NT5M: variants seen among roughly 807,000 people sequenced by gnomAD.
NT5M encodes 5',3'-nucleotidase, mitochondrial.
A neutral mutation model predicts 22.2 loss-of-function variants in NT5M; 22 were observed. The observed-to-expected ratio is 0.99, with a 90% CI of 0.71 to 1.41. The LOEUF (loss-of-function observed/expected upper bound fraction) is 1.41. Among genes scored for constraint, NT5M ranks in the 40% most tolerant of loss-of-function variants. The pLI, the probability that NT5M is intolerant of heterozygous loss-of-function variation, is 0.00. For synonymous variants in NT5M, 167 were observed against 133.0 expected (o/e 1.26, Z -1.76); for missense variants, 322 against 314.8 (o/e 1.02, Z -0.17).
intron 1 of NT5M, chr17:17,304,507 G>T (rs547147967): frequency 1.1e-6 from 1 of 902,502 alleles, no homozygotes; most frequent in Non-Finnish European, 1.3e-6. Flanking sequence ...TTTGCAAAAG[G>T]AACAGGGGAT....
Position 17,345,101 on chromosome 17 carries a change from GA to G in NT5M, c.544+194del, listed in dbSNP as rs767828538. Reference sequence around the variant, plus strand: ...GTGGCCTGGTGCTCCTGGGAGCTGGGAGGAGTGGGTGCCAGCTCTAGGGTTA... The same window carrying G: ...GTGGCCTGGTGCTCCTGGGAGCTGGGGGAGTGGGTGCCAGCTCTAGGGTTA... On this transcript the variant is annotated intron_variant, in intron 4 of 4. Transcript: ENST00000389022. 4.7e-4 allele frequency: 289 copies of G among 612,728 alleles called. 1 individual carries two copies. Among genetic ancestry groups the G allele is most frequent in the Admixed American group, 1.4e-3 (22 of 15,802 alleles). The allele number at this position is 612,728 out of a possible 1,614,324, so 38.0% of individuals were successfully genotyped here.
chr17:17,345,636 A>G (rs1219409186), intron 4 of NT5M, among the ~76,000 whole-genome samples: 1 of 61,060 alleles, frequency 1.6e-5, no homozygotes, highest in Admixed American at 2.1e-4. Flanking sequence ...TGTCTCTACA[A>G]AAAAAAAAAA....
Position 17,327,067 on chromosome 17 carries a change from A to ATGCC in NT5M, c.429+3822_429+3823insTGCC, listed in dbSNP as rs377161455. Among the ~76,000 whole-genome samples the ATGCC allele has an allele frequency of 2.4e-3, 251 of 106,510 alleles. 7 individuals are homozygous for ATGCC. The highest frequency in any genetic ancestry group is 3.7e-3 in the Admixed American group (38 of 10,378). 69.9% of individuals were successfully genotyped at this position (106,510 alleles called of 152,430 possible). A position where few individuals can be genotyped will look rare whatever the true frequency, so the allele number is the denominator to read the frequency against. On this transcript the variant is annotated intron_variant, in intron 3 of 4. Coordinates refer to ENST00000389022, the MANE Select transcript of NT5M (RefSeq NM_020201.4). ...GTTGGGATTACAGGTGTGCGCCACC[A>ATGCC]CACCCGGCTAATTTTTTTTTGTATT...
rs1288271891 is a variant in NT5M at position 17,346,797 on chromosome 17, A to G, written c.545-8A>G. On this transcript the variant is annotated splice_region_variant and splice_polypyrimidine_tract_variant and intron_variant, in intron 4 of 4. Transcript: ENST00000389022. ...CTGCTGAGCTGAATGCCGCTTTCCC[A>G]CCCACAGGGGCCGAGCCAACCCCCA... The G allele has an allele frequency of 1.0e-5, 16 of 1,604,978 alleles. No individual in the cohort carries two copies. The highest frequency in any genetic ancestry group is 1.4e-5 in the Non-Finnish European group (16 of 1,179,766).
chr17:17,335,340 C>A (rs1214132933), intron 3 of NT5M, among the ~76,000 whole-genome samples: 1 of 151,826 alleles, frequency 6.6e-6, no homozygotes, highest in East Asian at 1.9e-4. Context: ...TCACTGCAAG[C>A]TCCGCCTCCT....
At chr17:17,333,834 A>ATTT (rs35917484) in intron 3 of NT5M, among the ~76,000 whole-genome samples, 1 of 117,218 alleles carries the variant, frequency 8.5e-6, no homozygotes. Flanking sequence ...ATGTTTTTGT[A>ATTT]TTTTTTTTTT....
At chr17:17,337,620 G>A (rs112447638) in intron 3 of NT5M, among the ~76,000 whole-genome samples, 4,910 of 152,092 alleles carry the variant, frequency 0.032, 98 homozygotes, top group Non-Finnish European at 0.054. Flanking sequence ...GCCCAGGCTG[G>A]TCTTGAACTC....
In NT5M at chr17:17,327,568, A is replaced by T. The variant is rs1288836671; in HGVS notation, c.429+4323A>T. ...AGTCCTGCTCTGTCACCCAAGCTGG[A>T]GTGCAGTGGTGCAATCTCAGCTCAC... On this transcript the variant is annotated intron_variant, in intron 3 of 4. Transcript: ENST00000389022. Among the ~76,000 whole-genome samples, 2 of 105,214 alleles carry T rather than the reference A, an allele frequency of 1.9e-5. 1 individual carries two copies. Among genetic ancestry groups the T allele is most frequent in the Non-Finnish European group, 4.1e-5 (2 of 48,526 alleles). The allele number at this position is 105,214 out of a possible 152,430, so 69.0% of individuals were successfully genotyped here. A position where few individuals can be genotyped will look rare whatever the true frequency, so the allele number is the denominator to read the frequency against.
At chr17:17,303,901 G>T (rs2048736272) in intron 1 of NT5M, 84 bp downstream of exon 1, 5 of 1,308,724 alleles carry the variant, frequency 3.8e-6, no homozygotes, top group Admixed American at 3.8e-5. Context: ...GACCTTGGAC[G>T]GTCAGCGCCC....
intron 2 of NT5M, among the ~76,000 whole-genome samples, chr17:17,307,026 C>T (rs2048816629): frequency 6.6e-6 from 1 of 150,902 alleles, no homozygotes; most frequent in Admixed American, 6.6e-5. Flanking sequence ...GGAGAAACCC[C>T]ATCTCTACTA....
At chr17:17,318,937 G>C (rs986808744) in intron 2 of NT5M, among the ~76,000 whole-genome samples, 1 of 151,870 alleles carries the variant, frequency 6.6e-6, no homozygotes, top group African/African-American at 2.4e-5. Context: ...TGGGGCGGGC[G>C]TGGTGGCTCA....
At chr17:17,328,008 A>G (rs1440401227) in intron 3 of NT5M, among the ~76,000 whole-genome samples, 3 of 152,196 alleles carry the variant, frequency 2.0e-5, no homozygotes, top group African/African-American at 7.2e-5. Flanking sequence ...TTGTATGGTC[A>G]TGTTCTTAGG....
At chr17:17,322,496 C>T (rs2049171203) in intron 2 of NT5M, among the ~76,000 whole-genome samples, 1 of 152,146 alleles carries the variant, frequency 6.6e-6, no homozygotes, top group Non-Finnish European at 1.5e-5. Context: ...ACACCCTGTG[C>T]CCAGGGACCC....
At chr17:17,332,961 T>TA (rs1041188266) in intron 3 of NT5M, among the ~76,000 whole-genome samples, 5 of 151,998 alleles carry the variant, frequency 3.3e-5, no homozygotes, top group African/African-American at 4.8e-5. Context: ...TAAAGTCTCT[T>TA]AAAAAAAATC....
intron 3 of NT5M, among the ~76,000 whole-genome samples, chr17:17,343,508 C>T (rs1036424407): frequency 2.6e-5 from 4 of 152,208 alleles, no homozygotes; most frequent in African/African-American, 7.2e-5. Flanking sequence ...CATGTGGTGT[C>T]TGCCTTTGTG....
chr17:17,325,820 G>A (rs146914634), intron 3 of NT5M, among the ~76,000 whole-genome samples: 14 of 152,244 alleles, frequency 9.2e-5, no homozygotes, highest in African/African-American at 2.6e-4. Flanking sequence ...TCTTGTCCAC[G>A]AGGCCTCGGC....
intron 3 of NT5M, among the ~76,000 whole-genome samples, chr17:17,335,845 TG>T: frequency 6.6e-6 from 1 of 152,098 alleles, no homozygotes; most frequent in East Asian, 1.9e-4. Context: ...GTTGGCCAGC[TG>T]GTCTCTAACT....
chr17:17,330,557 G>A (rs1429477114), intron 3 of NT5M, among the ~76,000 whole-genome samples: 1 of 151,716 alleles, frequency 6.6e-6, no homozygotes, highest in Non-Finnish European at 1.5e-5. Context: ...TGTATTTTTT[G>A]TAGAGACAAG....
At chr17:17,343,641 TGCCCCAGG>T in intron 3 of NT5M, among the ~76,000 whole-genome samples, 1 of 152,268 alleles carries the variant, frequency 6.6e-6, no homozygotes, top group East Asian at 1.9e-4. Flanking sequence ...TGCCCGGCTC[TGCCCCAGG>T]GTGGCAGAGC....
Sources: allele counts gnomAD v4.1 joint callset (sites outside exome capture counted in the v4.1 genomes callset), GRCh38; gene constraint gnomAD v4.1.1; transcripts MANE v1.5; gene names NCBI Gene and HGNC (gene_info 2026-07-23, HGNC 2026-07-21).